Variants in FHIT observed in about 807,000 individuals in gnomAD.
The protein encoded by FHIT is bis(5'-adenosyl)-triphosphatase.
Under a neutral mutation model 17.9 loss-of-function variants are expected in FHIT, and 19 were observed. The ratio of observed to expected loss-of-function variants is 1.06; its 90% CI spans 0.74 to 1.56. The LOEUF is 1.56. Among genes scored for constraint, FHIT ranks in the 40% most tolerant of loss-of-function variants. The probability of loss-of-function intolerance (pLI) is 0.00; values close to 1 mark genes in which losing one functional copy is unlikely to be tolerated. For synonymous variants in FHIT, 81 were observed against 69.7 expected (o/e 1.16, Z -0.81); for missense variants, 248 against 189.2 (o/e 1.31, Z -1.82).
chr3:61,021,249 C>T (rs2032408244), intron 3 of FHIT, among the ~76,000 whole-genome samples: 1 of 152,210 alleles, frequency 6.6e-6, no homozygotes, highest in African/African-American at 2.4e-5. Context: ...CCACATCGCA[C>T]TTATTCTAAA....
intron 2 of FHIT, among the ~76,000 whole-genome samples, chr3:61,147,868 G>C (rs1343063483): frequency 6.6e-6 from 1 of 151,804 alleles, no homozygotes; most frequent in African/African-American, 2.4e-5. Flanking sequence ...GTTCTTTCTA[G>C]CTACAATTGA....
At chr3:60,176,078 T>C (rs1354289795) in intron 5 of FHIT, among the ~76,000 whole-genome samples, 1 of 152,090 alleles carries the variant, frequency 6.6e-6, no homozygotes, top group Non-Finnish European at 1.5e-5. Context: ...TGTGGCCAGG[T>C]GTGGTGGCTC....
intron 5 of FHIT, among the ~76,000 whole-genome samples, chr3:60,447,737 A>C (rs146386866): frequency 1.1e-3 from 174 of 152,146 alleles, no homozygotes; most frequent in Non-Finnish European, 2.0e-3. Flanking sequence ...ACAGAATACC[A>C]CTCCTGCAGC....
In FHIT at chr3:59,813,784, G is replaced by A. The variant is rs558873367; in HGVS notation, c.349-61463C>T. 4.6e-5 allele frequency among the ~76,000 whole-genome samples: 7 copies of A among 152,230 alleles called. No homozygotes were observed. In the East Asian group the frequency reaches 1.2e-3, roughly 25 times the overall value. ...CAGTTGTATTCCTAGCTCCTGGTGC[G>A]GGGTTGGGCATACACGTGACTCAAT... On this transcript the variant is annotated intron_variant, in intron 8 of 9. Coordinates refer to ENST00000492590, the MANE Select transcript of FHIT (RefSeq NM_002012.4).
At position 61,120,683 on chromosome 3, in the gene FHIT, T is replaced by C. The variant is rs549025268; in HGVS notation, c.-163-78584A>G. On this transcript the variant is annotated intron_variant, in intron 2 of 9. Transcript: ENST00000492590. ...AAAAATCCAAAAACCAGAATGTCTC[T>C]TCTCCTCCAAAGGATCACAACTCCT... Among the ~76,000 whole-genome samples, 5 of 152,194 alleles carry C rather than the reference T, an allele frequency of 3.3e-5. No individual in the cohort carries two copies. In the East Asian group the frequency reaches 9.7e-4, roughly 30 times the overall value.
At position 59,865,122 on chromosome 3, in the gene FHIT, T is replaced by C. The variant is rs1575608288; in HGVS notation, c.348+57224A>G. Among the ~76,000 whole-genome samples the C allele has an allele frequency of 4.6e-5, 7 of 152,340 alleles. 1 individual carries two copies. Among genetic ancestry groups the C allele is most frequent in the Admixed American group, 4.6e-4 (7 of 15,298 alleles). ...TCTTAATTGTATAATTTCAATTTCA[T>C]TTAAAAAAAGAAAAAAATTAAACCA... On this transcript the variant is annotated intron_variant, in intron 8 of 9. Transcript: ENST00000492590.
At chr3:60,342,283 G>C (rs899554101) in intron 5 of FHIT, among the ~76,000 whole-genome samples, 1 of 152,202 alleles carries the variant, frequency 6.6e-6, no homozygotes, top group Non-Finnish European at 1.5e-5. Flanking sequence ...TCTTTGCATA[G>C]CATATCAGGC....
At chr3:60,539,154 A>G (rs1031378522) in intron 4 of FHIT, among the ~76,000 whole-genome samples, 1 of 152,238 alleles carries the variant, frequency 6.6e-6, no homozygotes, top group Admixed American at 6.5e-5. Flanking sequence ...CAGTTCTCAA[A>G]AGAAGACATT....
intron 3 of FHIT, among the ~76,000 whole-genome samples, chr3:60,838,715 G>A (rs1404832303): frequency 3.3e-5 from 5 of 151,782 alleles, no homozygotes; most frequent in East Asian, 1.9e-4. Flanking sequence ...ACAATAAACC[G>A]GATCCTATCG....
At chr3:60,144,693 C>G (rs1700168011) in intron 5 of FHIT, among the ~76,000 whole-genome samples, 1 of 152,026 alleles carries the variant, frequency 6.6e-6, no homozygotes, top group Admixed American at 6.6e-5. Flanking sequence ...ATGATCCAAT[C>G]AGGGTAGTTA....
intron 5 of FHIT, among the ~76,000 whole-genome samples, chr3:60,382,732 C>A (rs988650139): frequency 3.9e-5 from 6 of 152,138 alleles, no homozygotes; most frequent in Non-Finnish European, 5.9e-5. Context: ...GATACTGTGA[C>A]TCCAATAGGG....
intron 4 of FHIT, among the ~76,000 whole-genome samples, chr3:60,794,270 T>C (rs1184733347): frequency 5.9e-5 from 9 of 152,200 alleles, no homozygotes; most frequent in African/African-American, 2.2e-4. Context: ...CACTAAAGAA[T>C]ATATCTTGTA....
chr3:59,912,172 CAT>C (rs1575684399), intron 8 of FHIT, among the ~76,000 whole-genome samples: 1 of 152,170 alleles, frequency 6.6e-6, no homozygotes, highest in South Asian at 2.1e-4. Flanking sequence ...ATGTCATTAT[CAT>C]ATCACAGTCT....
chr3:60,712,166 CCAAA>C (rs773272695), intron 4 of FHIT, among the ~76,000 whole-genome samples: 2 of 152,020 alleles, frequency 1.3e-5, no homozygotes, highest in African/African-American at 4.8e-5. Context: ...TCATATCCAG[CCAAA>C]CAAACTAAGC....
chr3:61,001,424 A>G (rs911857725), intron 3 of FHIT, among the ~76,000 whole-genome samples: 4 of 152,184 alleles, frequency 2.6e-5, no homozygotes, highest in African/African-American at 9.7e-5. Context: ...CCTTCAATGG[A>G]TAATGGTCAA....
intron 5 of FHIT, among the ~76,000 whole-genome samples, chr3:60,310,376 G>T (rs539845288): frequency 1.3e-5 from 2 of 152,274 alleles, no homozygotes; most frequent in South Asian, 4.1e-4. Context: ...GTTACCTGGG[G>T]CAAGAAGTAG....
At chr3:61,003,027 T>G (rs1016305238) in intron 3 of FHIT, among the ~76,000 whole-genome samples, 6 of 152,248 alleles carry the variant, frequency 3.9e-5, no homozygotes, top group Non-Finnish European at 2.9e-5. Flanking sequence ...AAAGGGTTTT[T>G]GTTGTAGTTC....
intron 8 of FHIT, among the ~76,000 whole-genome samples, chr3:59,756,690 A>G (rs1396764533): frequency 6.6e-6 from 1 of 152,186 alleles, no homozygotes; most frequent in Non-Finnish European, 1.5e-5. Context: ...TTTGGTAACT[A>G]GGTTGTTCCC....
intron 5 of FHIT, among the ~76,000 whole-genome samples, chr3:60,206,910 T>C (rs867293590): frequency 1.1e-4 from 17 of 152,158 alleles, no homozygotes; most frequent in African/African-American, 4.1e-4. Context: ...CACATATATT[T>C]GCATTGTTTC....
Sources: gnomAD v4.1 joint callset for allele counts (sites outside exome capture counted in the v4.1 genomes callset) on GRCh38, gnomAD v4.1.1 for gene constraint, MANE v1.5 for transcripts, NCBI Gene and HGNC (gene_info 2026-07-23, HGNC 2026-07-21) for gene names.